The following CGGBP1 variants were observed in gnomAD, a reference collection of about 807,000 sequenced individuals.
The protein encoded by CGGBP1 is CGG triplet repeat binding protein 1.
A neutral mutation model predicts 11.4 loss-of-function variants in CGGBP1; 4 were observed. That is an observed-to-expected ratio of 0.35 (90% CI 0.17 to 0.80). The LOEUF (loss-of-function observed/expected upper bound fraction) is 0.80. Among genes scored for constraint, CGGBP1 ranks in the 30% least tolerant of loss-of-function variants. The pLI is 0.52. For missense variants in CGGBP1, 135 were observed against 202.1 expected (o/e 0.67, Z 2.01); for synonymous variants, 76 against 74.1 (o/e 1.03, Z -0.13).
chr3:88,071,125 T>C (rs1707486009), intron 2 of CGGBP1, among the ~76,000 whole-genome samples: 1 of 152,222 alleles, frequency 6.6e-6, no homozygotes, highest in Non-Finnish European at 1.5e-5. Flanking sequence ...CAATTTTTGC[T>C]TTCCTTCCTG....
intron 2 of CGGBP1, among the ~76,000 whole-genome samples, chr3:88,087,606 G>T (rs1351638999): frequency 6.6e-6 from 1 of 152,144 alleles, no homozygotes; most frequent in Non-Finnish European, 1.5e-5. Flanking sequence ...GCAACACAGC[G>T]GAGCAAGTCA....
intron 1 of CGGBP1, chr3:88,143,313 TTGTTTC>T (rs1328839728): frequency 1.3e-5 from 2 of 152,226 alleles, no homozygotes; most frequent in Non-Finnish European, 3.0e-5. Flanking sequence ...AAATTTAAAT[TTGTTTC>T]TGTTATGTAG....
intron 2 of CGGBP1, chr3:88,128,868 A>G (rs1246925251): frequency 6.5e-7 from 1 of 1,535,530 alleles, no homozygotes; most frequent in African/African-American, 1.4e-5. Flanking sequence ...CAGATACCTA[A>G]TTGCTTGTGA....
chr3:88,135,114 A>G, intron 2 of CGGBP1: 6 of 1,481,294 alleles, frequency 4.1e-6, no homozygotes, highest in Non-Finnish European at 5.3e-6. Flanking sequence ...CCTTCAAAAC[A>G]AGTTTTTGTA....
At chr3:88,145,417 C>G (rs35379187) in intron 1 of CGGBP1, among the ~76,000 whole-genome samples, 1 of 152,026 alleles carries the variant, frequency 6.6e-6, no homozygotes, top group Non-Finnish European at 1.5e-5. Context: ...GAGCTGAGAT[C>G]TAAAATGATC....
At chr3:88,141,656 A>G in intron 1 of CGGBP1, 1 of 1,511,708 alleles carries the variant, frequency 6.6e-7, no homozygotes, top group African/African-American at 1.4e-5. Flanking sequence ...TGCCTGATGA[A>G]AACGGTTCAG....
chr3:88,092,007 T>A (rs1420783200), intron 2 of CGGBP1, among the ~76,000 whole-genome samples: 1 of 152,222 alleles, frequency 6.6e-6, no homozygotes, highest in Non-Finnish European at 1.5e-5. Flanking sequence ...AAATCTTATC[T>A]AAGATGTTCA....
At chr3:88,077,355 A>G (rs965882980) in intron 2 of CGGBP1, among the ~76,000 whole-genome samples, 17 of 145,270 alleles carry the variant, frequency 1.2e-4, no homozygotes, top group Non-Finnish European at 1.5e-5. Context: ...TTTTTTTGAG[A>G]CGGAGTCTCG....
rs528564521 is a variant in CGGBP1 at position 88,130,312 on chromosome 3, G to A, written c.-229+10658C>T. ...TTTGCTGTTTCATTAATTCTTAACA[G>A]AAAACTAGGTTTTATTTGCTAAACA... On this transcript the variant is annotated intron_variant, in intron 2 of 3. Transcript: ENST00000462901. 2.6e-5 allele frequency among the ~76,000 whole-genome samples: 4 copies of A among 152,202 alleles called. No individual in the cohort carries two copies. The South Asian group carries it at 8.3e-4, about 32-fold the overall frequency.
At chr3:88,116,318 C>T (rs1037993443) in intron 2 of CGGBP1, among the ~76,000 whole-genome samples, 2 of 152,034 alleles carry the variant, frequency 1.3e-5, no homozygotes, top group African/African-American at 2.4e-5. Flanking sequence ...GGTGGGAACT[C>T]GAGACCAGCC....
chr3:88,083,181 A>G (rs73146099), intron 2 of CGGBP1, among the ~76,000 whole-genome samples: 10,264 of 152,244 alleles, frequency 0.067, 478 homozygotes, highest in Non-Finnish European at 0.1. Context: ...ATACAGTCCC[A>G]TCGGGGGGTT....
chr3:88,119,486 A>G (rs1705638675), intron 2 of CGGBP1, among the ~76,000 whole-genome samples: 1 of 150,538 alleles, frequency 6.6e-6, no homozygotes, highest in Non-Finnish European at 1.5e-5. Context: ...GCACATGTAT[A>G]CATATGTAAC....
intron 2 of CGGBP1, among the ~76,000 whole-genome samples, chr3:88,085,315 A>G (rs542002450): frequency 1.3e-5 from 2 of 152,346 alleles, no homozygotes; most frequent in East Asian, 3.9e-4. Flanking sequence ...TGTAGCAGGA[A>G]AGCAGCCACA....
intron 2 of CGGBP1, among the ~76,000 whole-genome samples, chr3:88,064,877 G>C (rs1237920677): frequency 6.6e-6 from 1 of 152,144 alleles, no homozygotes; most frequent in Admixed American, 6.5e-5. Context: ...ATAATAATAT[G>C]AAAGATGAAA....
chr3:88,088,539 GT>G lies in CGGBP1; in HGVS notation c.-228-30317del, dbSNP rs543576888. On this transcript the variant is annotated intron_variant, in intron 2 of 3. Coordinates refer to the CGGBP1 transcript ENST00000462901. ...GAAAATATGATGGTTAAAATTTAAA[GT>G]TCTGTAGGAAGGTTGGAAGATGTAA... is the stretch of plus-strand genomic sequence containing the variant. Among the ~76,000 whole-genome samples, 297 of 152,218 alleles carry G rather than the reference GT, an allele frequency of 2.0e-3. 2 individuals are homozygous for G. The highest frequency in any genetic ancestry group is 6.8e-3 in the African/African-American group (282 of 41,548).
chr3:88,123,193 T>C (rs771671770), intron 2 of CGGBP1, among the ~76,000 whole-genome samples: 1 of 152,104 alleles, frequency 6.6e-6, no homozygotes, highest in Non-Finnish European at 1.5e-5. Flanking sequence ...CAAAAAATAC[T>C]TGTAAGCTTA....
At chr3:88,105,458 C>T (rs982418807) in intron 2 of CGGBP1, among the ~76,000 whole-genome samples, 1 of 152,156 alleles carries the variant, frequency 6.6e-6, no homozygotes, top group African/African-American at 2.4e-5. Context: ...TGTTTCCATT[C>T]TTTTCCTGTT....
At chr3:88,082,158 C>T (rs1202061921) in intron 2 of CGGBP1, among the ~76,000 whole-genome samples, 2 of 149,230 alleles carry the variant, frequency 1.3e-5, no homozygotes, top group East Asian at 2.0e-4. Context: ...GATGGAGTCT[C>T]GCTTTGTTGC....
In CGGBP1 at chr3:88,058,998, C is replaced by A. The variant is rs984921757; in HGVS notation, c.-514G>T. 1.2e-4 allele frequency: 32 copies of A among 274,266 alleles called. No homozygotes were observed. The highest frequency in any genetic ancestry group is 5.3e-4 in the African/African-American group (24 of 45,174). 17.0% of individuals were successfully genotyped at this position (274,266 alleles called of 1,614,324 possible). ...CCCCGCCGCGCCCCGTCCGCCTGCA[C>A]CGCCTATGGCAGAGCCCGTAGGCGG... On this transcript the variant is annotated 5_prime_UTR_variant, in exon 1 of 4. Transcript: ENST00000482016.
Sources: gnomAD v4.1 joint callset for allele counts (sites outside exome capture counted in the v4.1 genomes callset) on GRCh38, gnomAD v4.1.1 for gene constraint, MANE v1.5 for transcripts, NCBI Gene and HGNC (gene_info 2026-07-23, HGNC 2026-07-21) for gene names.